Variants in GLT8D2 observed in about 807,000 individuals in gnomAD.
GLT8D2 encodes the protein glycosyltransferase 8 domain-containing protein 2.
GLT8D2 carries 45 observed loss-of-function variants against 44.5 expected under a neutral mutation model. The observed-to-expected ratio is 1.01, with a 90% CI of 0.80 to 1.30. The LOEUF (loss-of-function observed/expected upper bound fraction) is 1.30, where lower values mean the gene tolerates loss of function less well. Ranked by LOEUF, GLT8D2 falls within the 50% of genes most tolerant of loss-of-function variation. The pLI, the probability that GLT8D2 is intolerant of heterozygous loss-of-function variation, is 0.00. For missense variants in GLT8D2, 400 were observed against 430.4 expected (o/e 0.93, Z 0.62); for synonymous variants, 156 against 157.2 (o/e 0.99, Z 0.06).
chr12:104,027,265 C>T (rs938534093), intron 1 of GLT8D2, among the ~76,000 whole-genome samples: 1 of 152,158 alleles, frequency 6.6e-6, no homozygotes, highest in Non-Finnish European at 1.5e-5. Flanking sequence ...GTTTCAGGTA[C>T]CTTTTATCCA....
chr12:104,015,008 C>T lies in GLT8D2; in HGVS notation c.112+5G>A. 6.3e-7 allele frequency: 1 copy of T among 1,599,000 alleles called. No individual in the cohort carries two copies. Among genetic ancestry groups the T allele is most frequent in the Non-Finnish European group, 8.6e-7 (1 of 1,166,524 alleles). ...CCCAACTCAATGAATTCCATGTCTGCTCACCTGCGTCATTCTTGGGCACAG... is the reference window on the plus strand; with the variant it reads ...CCCAACTCAATGAATTCCATGTCTGTTCACCTGCGTCATTCTTGGGCACAG... On this transcript the variant is annotated splice_donor_5th_base_variant and intron_variant, in intron 4 of 10. Coordinates refer to ENST00000360814, the MANE Select transcript of GLT8D2 (RefSeq NM_001384711.1).
At chr12:104,048,300 G>A (rs1775348101) in intron 1 of GLT8D2, among the ~76,000 whole-genome samples, 1 of 152,224 alleles carries the variant, frequency 6.6e-6, no homozygotes, top group Non-Finnish European at 1.5e-5. Flanking sequence ...GCGATCAACT[G>A]TTTGGGAATC....
chr12:104,047,536 C>T (rs1281140001), intron 1 of GLT8D2, among the ~76,000 whole-genome samples: 1 of 152,040 alleles, frequency 6.6e-6, no homozygotes, highest in Non-Finnish European at 1.5e-5. Context: ...AAACTCCCGA[C>T]CTCAAGTGAT....
intron 1 of GLT8D2, among the ~76,000 whole-genome samples, chr12:104,040,260 C>G (rs189827269): frequency 1.3e-5 from 2 of 152,020 alleles, no homozygotes; most frequent in African/African-American, 2.4e-5. Flanking sequence ...CAAACCTGCA[C>G]GTTGTGCACA....
Position 103,994,390 on chromosome 12 carries a change from A to G in GLT8D2, c.712T>C (p.Trp238Arg), listed in dbSNP as rs757909969. 3 of 1,613,924 alleles carry G rather than the reference A, an allele frequency of 1.9e-6. No homozygotes were observed. Among genetic ancestry groups the G allele is most frequent in the Non-Finnish European group, 2.5e-6 (3 of 1,179,980 alleles). ...TGCTTGGTGATGCGCTGGTGCTTCCATTCTGTCATGTTGGCAACAATCACA... is the reference window on the plus strand; with the variant it reads ...TGCTTGGTGATGCGCTGGTGCTTCCGTTCTGTCATGTTGGCAACAATCACA... ...PGVIVANMTE[W>R]KHQRITKQLE... The change falls in exon 9 of 11, where the codon TGG (tryptophan) becomes CGG (arginine). Residue 238 changes from tryptophan (W) to arginine (R), a missense_variant. Trp to Arg is a moderately radical substitution (Grantham distance 101). Transcript: ENST00000360814.
At chr12:104,016,774 A>AGAAAGAAGGAAAGGAAG (rs1566199645) in intron 3 of GLT8D2, among the ~76,000 whole-genome samples, 8 of 58,398 alleles carry the variant, frequency 1.4e-4, no homozygotes, top group South Asian at 5.7e-4. Flanking sequence ...AAAGAAAGAA[A>AGAAAGAAGGAAAGGAAG]GAAGGAAGGA....
chr12:104,025,670 ATTAAAC>A (rs1187213926), intron 1 of GLT8D2, among the ~76,000 whole-genome samples: 3 of 152,238 alleles, frequency 2.0e-5, no homozygotes, highest in Non-Finnish European at 4.4e-5. Flanking sequence ...TGAAATGTAG[ATTAAAC>A]TTAATCTTTT....
At chr12:103,998,624 G>A (rs751601080) in intron 6 of GLT8D2, among the ~76,000 whole-genome samples, 2 of 152,146 alleles carry the variant, frequency 1.3e-5, no homozygotes, top group African/African-American at 2.4e-5. Context: ...TGGCCAGGCT[G>A]GTCTCGAACT....
intron 1 of GLT8D2, among the ~76,000 whole-genome samples, chr12:104,062,011 G>A (rs888199264): frequency 7.0e-4 from 106 of 151,572 alleles, no homozygotes; most frequent in African/African-American, 2.4e-3. Flanking sequence ...AATACTCAGT[G>A]AGAGGGAGAA....
chr12:104,045,425 C>T (rs946382648), intron 1 of GLT8D2, among the ~76,000 whole-genome samples: 2 of 151,978 alleles, frequency 1.3e-5, no homozygotes, highest in African/African-American at 2.4e-5. Flanking sequence ...TCAGGACAGA[C>T]AGAGAGGTGG....
chr12:104,053,700 C>G (rs187033797), upstream of GLT8D2, among the ~76,000 whole-genome samples: 11 of 152,222 alleles, frequency 7.2e-5, no homozygotes, highest in Non-Finnish European at 1.5e-4. Flanking sequence ...CTGGCTAACA[C>G]AGTGAAACCC....
chr12:104,006,422 G>C (rs1177264053), intron 4 of GLT8D2, among the ~76,000 whole-genome samples: 3 of 152,080 alleles, frequency 2.0e-5, no homozygotes, highest in African/African-American at 4.8e-5. Flanking sequence ...AAATCAGTTG[G>C]AACCAATCTG....
intron 1 of GLT8D2, among the ~76,000 whole-genome samples, chr12:104,043,794 A>C (rs1457777432): frequency 6.6e-6 from 1 of 152,146 alleles, no homozygotes; most frequent in Non-Finnish European, 1.5e-5. Flanking sequence ...ATTGCTCCAC[A>C]AAAAAATCAG....
At chr12:103,997,120 T>C (rs920827403) in intron 7 of GLT8D2, among the ~76,000 whole-genome samples, 7 of 152,152 alleles carry the variant, frequency 4.6e-5, no homozygotes. Context: ...GTGGAAGAGA[T>C]AGAACACAAC....
At chr12:104,000,711 TCATACC>T (rs1874095482) in intron 5 of GLT8D2, among the ~76,000 whole-genome samples, 2 of 152,274 alleles carry the variant, frequency 1.3e-5, no homozygotes, top group East Asian at 3.9e-4. Context: ...TATCTAGTTT[TCATACC>T]CATGGATAGT....
chr12:104,004,738 A>T (rs1181143218), intron 4 of GLT8D2, among the ~76,000 whole-genome samples: 1 of 152,236 alleles, frequency 6.6e-6, no homozygotes, highest in African/African-American at 2.4e-5. Flanking sequence ...AAGAGGACAC[A>T]AACAAATGGA....
chr12:104,012,189 A>AATATATATAT (rs71069712), intron 4 of GLT8D2, among the ~76,000 whole-genome samples: 2 of 98,450 alleles, frequency 2.0e-5, no homozygotes, highest in Non-Finnish European at 3.8e-5. Flanking sequence ...AAAAAAAAAA[A>AATATATATAT]ATATATATAT....
chr12:104,011,263 G>A (rs763018436), intron 4 of GLT8D2, among the ~76,000 whole-genome samples: 9 of 152,168 alleles, frequency 5.9e-5, no homozygotes, highest in African/African-American at 1.9e-4. Context: ...TGTACCAACT[G>A]GTGCCTGAGC....
chr12:104,001,953 A>T lies in GLT8D2; in HGVS notation c.284+1182T>A, dbSNP rs531377812. On this transcript the variant is annotated intron_variant, in intron 5 of 10. Coordinates refer to ENST00000360814, the MANE Select transcript of GLT8D2 (RefSeq NM_001384711.1). ...TCTTGACTTCAGGTAGGATTACAGG[A>T]GTTAGCCACTGCGCCCAGCCTTATT... 3.3e-5 allele frequency among the ~76,000 whole-genome samples: 5 copies of T among 152,128 alleles called. No homozygotes were observed. In the East Asian group the frequency reaches 9.7e-4, roughly 29 times the overall value.
Sources: gnomAD v4.1 joint callset for allele counts (sites outside exome capture counted in the v4.1 genomes callset) on GRCh38, gnomAD v4.1.1 for gene constraint, MANE v1.5 for transcripts, NCBI Gene and HGNC (gene_info 2026-07-23, HGNC 2026-07-21) for gene names.